The following SLC44A3 variants were observed in gnomAD, a reference collection of about 807,000 sequenced individuals.
SLC44A3 encodes choline transporter-like protein 3.
A neutral mutation model predicts 75.4 loss-of-function variants in SLC44A3; 74 were observed. That is an observed-to-expected ratio of 0.98 (90% CI 0.81 to 1.19). The LOEUF (loss-of-function observed/expected upper bound fraction) is 1.19. SLC44A3 is among the 50% of genes most tolerant of loss of function. The pLI is 0.00. For synonymous variants in SLC44A3, 310 were observed against 296.9 expected (o/e 1.04, Z -0.45); for missense variants, 700 against 778.6 (o/e 0.90, Z 1.20).
chr1:94,844,002 C>T (rs878903103), intron 8 of SLC44A3, among the ~76,000 whole-genome samples: 9 of 152,022 alleles, frequency 5.9e-5, no homozygotes, highest in Non-Finnish European at 8.8e-5. Context: ...AAGGCATGAG[C>T]GGTATTGAGG....
intron 5 of SLC44A3, chr1:94,836,806 G>A (rs1192210941): frequency 6.6e-6 from 1 of 151,918 alleles, no homozygotes; most frequent in Non-Finnish European, 1.5e-5. Flanking sequence ...AGCTACTCAG[G>A]AGGCTGAGGT....
intron 2 of SLC44A3, among the ~76,000 whole-genome samples, chr1:94,822,010 A>T (rs1253391810): frequency 1.3e-5 from 2 of 152,180 alleles, no homozygotes; most frequent in African/African-American, 4.8e-5. Flanking sequence ...CTCCCCTAGG[A>T]GCTGGGAGAG....
intron 2 of SLC44A3, among the ~76,000 whole-genome samples, chr1:94,821,882 A>G (rs1423489214): frequency 6.6e-6 from 1 of 152,238 alleles, no homozygotes; most frequent in Admixed American, 6.5e-5. Flanking sequence ...CTTTCCAAGT[A>G]AGAAAGGCAT....
In SLC44A3 at chr1:94,825,053, A is replaced by T. The variant is rs1284532946; in HGVS notation, c.278+418A>T. Among the ~76,000 whole-genome samples, 3 of 152,304 alleles carry T rather than the reference A, an allele frequency of 2.0e-5. No homozygotes were observed. In the East Asian group the frequency reaches 5.8e-4, roughly 29 times the overall value. ...TATGTTTGAACCCTACATCATCCAC[A>T]CATTGTTTCTACGTGGAAATACCCG... On this transcript the variant is annotated intron_variant, in intron 3 of 14. Transcript: ENST00000271227.
At chr1:94,868,855 C>T (rs754200962) in intron 12 of SLC44A3, among the ~76,000 whole-genome samples, 1 of 152,246 alleles carries the variant, frequency 6.6e-6, no homozygotes, top group Non-Finnish European at 1.5e-5. Context: ...AGGTACTTTC[C>T]GCATCCCTCT....
At chr1:94,865,046 C>A in intron 11 of SLC44A3, 147 bp downstream of exon 11, 1 of 642,072 alleles carries the variant, frequency 1.6e-6, no homozygotes, top group Non-Finnish European at 2.5e-6. Context: ...AGCTCCCATC[C>A]CCCGCCTCTC....
intron 12 of SLC44A3, among the ~76,000 whole-genome samples, chr1:94,868,527 T>C (rs1295761317): frequency 6.6e-6 from 1 of 152,186 alleles, no homozygotes; most frequent in African/African-American, 2.4e-5. Flanking sequence ...TCAAATACCA[T>C]AGGACCTTTC....
At chr1:94,876,557 A>G (rs1668310700) in intron 12 of SLC44A3, among the ~76,000 whole-genome samples, 1 of 152,240 alleles carries the variant, frequency 6.6e-6, no homozygotes, top group Non-Finnish European at 1.5e-5. Flanking sequence ...CATAAAAAGA[A>G]AAAAGCATAT....
intron 9 of SLC44A3, among the ~76,000 whole-genome samples, chr1:94,845,900 G>T (rs1664337646): frequency 6.6e-6 from 1 of 152,158 alleles, no homozygotes; most frequent in Non-Finnish European, 1.5e-5. Context: ...TGTAATCCCA[G>T]CACTTTGGTA....
intron 5 of SLC44A3, among the ~76,000 whole-genome samples, chr1:94,829,818 G>T (rs1193050892): frequency 2.0e-5 from 3 of 152,098 alleles, no homozygotes; most frequent in Non-Finnish European, 4.4e-5. Flanking sequence ...GGTGTTTATT[G>T]AACTCTTGTT....
rs565315135 is a variant in SLC44A3, at chr1:94,864,937, TG to T, written c.1395+41del. ...CCTGATACACAGCACGTTCTGTGTTTGGGTTGCCAGAAACTTAATTACTGGA... is the reference window on the plus strand; with the variant it reads ...CCTGATACACAGCACGTTCTGTGTTTGGTTGCCAGAAACTTAATTACTGGA... On this transcript the variant is annotated intron_variant, in intron 11 of 14. Transcript: ENST00000271227. 277 of 1,597,756 alleles carry T rather than the reference TG, an allele frequency of 1.7e-4. No individual in the cohort carries two copies. The African/African-American group carries it at 3.3e-3, about 19-fold the overall frequency.
intron 12 of SLC44A3, among the ~76,000 whole-genome samples, chr1:94,878,108 C>T (rs920426060): frequency 6.6e-6 from 1 of 152,084 alleles, no homozygotes; most frequent in Non-Finnish European, 1.5e-5. Context: ...GTGGCGGGCG[C>T]CTGTAGTCCC....
At chr1:94,837,647 T>C in intron 5 of SLC44A3, 64 bp from the exon 6 acceptor site, 2 of 1,472,614 alleles carry the variant, frequency 1.4e-6, no homozygotes, top group African/African-American at 1.4e-5. Context: ...GAATGTTAAA[T>C]AAACATCTTT....
At chr1:94,867,224 G>T in intron 11 of SLC44A3, 107 bp from the exon 12 acceptor site, 1 of 872,050 alleles carries the variant, frequency 1.1e-6, no homozygotes, top group African/African-American at 1.7e-5. Context: ...CGCCACCAGT[G>T]TTTCCCCAGG....
At chr1:94,823,439 G>A (rs1660890030) in intron 2 of SLC44A3, among the ~76,000 whole-genome samples, 1 of 152,144 alleles carries the variant, frequency 6.6e-6, no homozygotes, top group African/African-American at 2.4e-5. Context: ...AAAGGACAGG[G>A]AGCCTCCTTC....
intron 3 of SLC44A3, chr1:94,825,878 C>G (rs114868826): frequency 2.2e-6 from 1 of 456,104 alleles, no homozygotes; most frequent in African/African-American, 2.0e-5. Context: ...ACTTAGATGC[C>G]CATGTGCTCC....
intron 12 of SLC44A3, among the ~76,000 whole-genome samples, chr1:94,876,261 G>A (rs898888987): frequency 3.3e-5 from 5 of 152,208 alleles, no homozygotes; most frequent in African/African-American, 4.8e-5. Context: ...TAGCTTCAAC[G>A]TTTCCCAAAT....
chr1:94,864,410 G>C (rs1167080188), intron 10 of SLC44A3, among the ~76,000 whole-genome samples: 1 of 152,158 alleles, frequency 6.6e-6, no homozygotes, highest in African/African-American at 2.4e-5. Context: ...TGGAGATTGT[G>C]CCGCAATTAA....
chr1:94,883,093 G>A (rs1340508374), intron 12 of SLC44A3, among the ~76,000 whole-genome samples: 3 of 151,570 alleles, frequency 2.0e-5, no homozygotes, highest in South Asian at 2.1e-4. Flanking sequence ...AGAGAGAACC[G>A]CATCTGTGAG....
Sources: allele counts gnomAD v4.1 joint callset (sites outside exome capture counted in the v4.1 genomes callset), GRCh38; gene constraint gnomAD v4.1.1; transcripts MANE v1.5; gene names NCBI Gene and HGNC (gene_info 2026-07-23, HGNC 2026-07-21).